The following CNTNAP3 variants were observed in gnomAD, a reference collection of about 807,000 sequenced individuals.
CNTNAP3 encodes the protein contactin associated protein family member 3, also known as contactin-associated protein-like 3.
In CNTNAP3, 36 loss-of-function variants were observed where a neutral mutation model predicts 92.1. The ratio of observed to expected loss-of-function variants is 0.39; its 90% confidence interval spans 0.30 to 0.52. The LOEUF is 0.52. Among genes scored for constraint, CNTNAP3 ranks in the 20% least tolerant of loss-of-function variants. CNTNAP3 has a pLI of 0.76. For synonymous variants in CNTNAP3, 232 were observed against 422.3 expected (o/e 0.55, Z 5.53); for missense variants, 534 against 1,069.6 (o/e 0.50, Z 6.98).
Position 39,120,417 on chromosome 9 carries a change from G to A in CNTNAP3, c.2081-2158C>T, listed in dbSNP as rs1165837164. ...AGGCCGGGTGCGGTGGCTCACGCCT[G>A]TAATCCCAGCACTTTCGGAGGCCGA... On this transcript the variant is annotated intron_variant, in intron 13 of 23. Transcript: ENST00000297668. Among the ~76,000 whole-genome samples the A allele has an allele frequency of 4.6e-5, 7 of 152,182 alleles. 1 individual carries two copies. In the South Asian group the frequency reaches 6.2e-4, roughly 13 times the overall value.
chr9:39,131,503 T>C (rs1821292792), intron 13 of CNTNAP3, among the ~76,000 whole-genome samples: 1 of 151,540 alleles, frequency 6.6e-6, no homozygotes, highest in Non-Finnish European at 1.5e-5. Flanking sequence ...AGATGCCGAC[T>C]GCACAGGTCT....
At chr9:39,179,272 A>ACT (rs916761340) in intron 4 of CNTNAP3, among the ~76,000 whole-genome samples, 9 of 68,172 alleles carry the variant, frequency 1.3e-4, no homozygotes, top group East Asian at 4.8e-4. Flanking sequence ...ATTCCTTAAA[A>ACT]CTCTCTCTCT....
chr9:39,121,495 T>C (rs1195119512), intron 13 of CNTNAP3, among the ~76,000 whole-genome samples: 1 of 152,144 alleles, frequency 6.6e-6, no homozygotes, highest in Non-Finnish European at 1.5e-5. Context: ...AATAAACAGT[T>C]CTTCTTACAC....
chr9:39,134,838 G>A (rs1408820903), intron 12 of CNTNAP3, among the ~76,000 whole-genome samples: 1 of 152,210 alleles, frequency 6.6e-6, no homozygotes, highest in Non-Finnish European at 1.5e-5. Context: ...GGAACACTAA[G>A]TTGGGCATTG....
intron 15 of CNTNAP3, among the ~76,000 whole-genome samples, chr9:39,108,270 G>A (rs374255559): frequency 8.6e-5 from 13 of 151,992 alleles, no homozygotes; most frequent in Non-Finnish European, 1.5e-4. Flanking sequence ...GAGACAAGCC[G>A]GTCCCCCCCC....
intron 23 of CNTNAP3, 175 bp downstream of exon 23, chr9:39,078,210 A>T (rs2118379554): frequency 1.5e-6 from 2 of 1,368,242 alleles, no homozygotes; most frequent in East Asian, 2.5e-5. Context: ...CTTGTCTCAA[A>T]TAGAAAAAAA....
intron 19 of CNTNAP3, among the ~76,000 whole-genome samples, chr9:39,087,728 C>A (rs1472387701): frequency 6.6e-6 from 1 of 152,110 alleles, no homozygotes; most frequent in Admixed American, 6.5e-5. Flanking sequence ...CCTCGTGATC[C>A]GCCTGCCTTG....
At chr9:39,097,307 C>T (rs1482478763) in intron 18 of CNTNAP3, among the ~76,000 whole-genome samples, 1 of 152,032 alleles carries the variant, frequency 6.6e-6, no homozygotes, top group African/African-American at 2.4e-5. Context: ...CATGGCCTCC[C>T]TCTACCTCTT....
Position 39,133,062 on chromosome 9 carries a change from G to C in CNTNAP3, c.1950C>G (p.His650Gln), listed in dbSNP as rs550440645. 2.0e-5 allele frequency: 31 copies of C among 1,557,754 alleles called. No homozygotes were observed. The highest frequency in any genetic ancestry group is 2.2e-5 in the Non-Finnish European group (26 of 1,158,368). Residue 650 changes from histidine (H) to glutamine (Q), a missense_variant, in exon 13 of 24, where the codon CAC becomes CAG. By Grantham distance (24) the His-to-Gln change is conservative. Coordinates refer to ENST00000297668, the MANE Select transcript of CNTNAP3 (RefSeq NM_033655.5). ...ACGCGAAGGACACAGCCGAGCGCGG[G>C]TGCCCGCTGGGGGCACCTCGGAGGG... ...AVTLRGAPSG[H>Q]PRSAVSFAYA...
intron 19 of CNTNAP3, among the ~76,000 whole-genome samples, chr9:39,087,654 T>A (rs193092500): frequency 6.2e-4 from 94 of 152,172 alleles, no homozygotes; most frequent in Non-Finnish European, 1.2e-3. Context: ...GCCCGGCTCA[T>A]TTTTTGTATT....
In CNTNAP3 at chr9:39,066,612, G is replaced by T. The variant is rs1206976162; in HGVS notation, c.*7278C>A. 6.6e-6 allele frequency among the ~76,000 whole-genome samples: 1 copy of T among 152,226 alleles called. No homozygotes were observed. The highest frequency in any genetic ancestry group is 1.5e-5 in the Non-Finnish European group (1 of 68,042). On this transcript the variant is annotated 3_prime_UTR_variant, in exon 24 of 24. Transcript: ENST00000297668. ...TTTGTTTCATCCTTTCTTGAAAGAC[G>T]GTTTTGCTGGGTATAGAAACCTAGG... is the stretch of plus-strand genomic sequence containing the variant.
chr9:39,132,533 A>G (rs887799639), intron 13 of CNTNAP3, among the ~76,000 whole-genome samples: 3 of 152,224 alleles, frequency 2.0e-5, no homozygotes, highest in African/African-American at 4.8e-5. Context: ...CAAACGTTCC[A>G]GGTAGATTTA....
At chr9:39,159,629 G>GAGATAAATAGAT (rs757966970) in intron 9 of CNTNAP3, 4 of 136,220 alleles carry the variant, frequency 2.9e-5, no homozygotes, top group Non-Finnish European at 6.2e-5. Context: ...ACCACGCCTG[G>GAGATAAATAGAT]AGATAGATAG....
chr9:39,136,160 T>TAATAATAATAATAATAAA (rs989573403), intron 12 of CNTNAP3, among the ~76,000 whole-genome samples: 36 of 134,794 alleles, frequency 2.7e-4, no homozygotes, highest in African/African-American at 1.0e-3. Flanking sequence ...ATAATAATAA[T>TAATAATAATAATAATAAA]AATAAAAATA....
intron 11 of CNTNAP3, among the ~76,000 whole-genome samples, chr9:39,143,089 G>GAA (rs200483407): frequency 1.3e-5 from 2 of 151,148 alleles, no homozygotes; most frequent in Non-Finnish European, 2.9e-5. Flanking sequence ...AAACAAATAG[G>GAA]AAAAAAAAGG....
intron 15 of CNTNAP3, among the ~76,000 whole-genome samples, chr9:39,105,709 C>T (rs1194241644): frequency 1.3e-5 from 2 of 152,020 alleles, no homozygotes; most frequent in African/African-American, 4.8e-5. Context: ...TGGAATCAGC[C>T]ATTTCTTCAA....
rs1429538536 is a variant in CNTNAP3, at chr9:39,137,638, G to A, written c.1876+2881C>T. On this transcript the variant is annotated intron_variant, in intron 12 of 23. Transcript: ENST00000297668. ...TGCCATTCTTCTGCCTCAGCCTCCCGAGTAGCTGGGACTACAGGCACCCGC... is the reference window on the plus strand; with the variant it reads ...TGCCATTCTTCTGCCTCAGCCTCCCAAGTAGCTGGGACTACAGGCACCCGC... Among the ~76,000 whole-genome samples the A allele has an allele frequency of 1.9e-4, 28 of 150,960 alleles. No homozygotes were observed. The South Asian group carries it at 5.9e-3, about 32-fold the overall frequency.
rs1467804730 is a variant in CNTNAP3, at chr9:39,288,081, C to T, written c.-17G>A. The T allele has an allele frequency of 2.4e-6, 1 of 420,824 alleles. No individual in the cohort carries two copies. The highest frequency in any genetic ancestry group is 2.4e-5 in the African/African-American group (1 of 41,870). 26.1% of individuals were successfully genotyped at this position (420,824 alleles called of 1,614,324 possible). A position where few individuals can be genotyped will look rare whatever the true frequency, so the allele number is the denominator to read the frequency against. On this transcript the variant is annotated 5_prime_UTR_variant, in exon 1 of 24. Coordinates refer to ENST00000297668, the MANE Select transcript of CNTNAP3 (RefSeq NM_033655.5). ...TGAAGCCATGCTCACTTCAGCCAGG[C>T]GCCCTGAGACCCGGGCACGGCGACG... is the stretch of plus-strand genomic sequence containing the variant.
At chr9:39,113,954 TTC>T (rs1001248500) in intron 14 of CNTNAP3, among the ~76,000 whole-genome samples, 5 of 151,152 alleles carry the variant, frequency 3.3e-5, no homozygotes, top group South Asian at 2.1e-4. Flanking sequence ...TATTTGTTAA[TTC>T]TCTCTCTCTC....
Sources: gnomAD v4.1 joint callset for allele counts (sites outside exome capture counted in the v4.1 genomes callset) on GRCh38, gnomAD v4.1.1 for gene constraint, MANE v1.5 for transcripts, NCBI Gene and HGNC (gene_info 2026-07-23, HGNC 2026-07-21) for gene names.